LSAMP: variants seen among roughly 807,000 people sequenced by gnomAD.
LSAMP encodes the protein limbic system associated membrane protein.
In LSAMP, 7 loss-of-function variants were observed where a neutral mutation model predicts 38.6. The ratio of observed to expected loss-of-function variants is 0.18; its 90% confidence interval spans 0.10 to 0.34. The LOEUF is 0.34. Among genes scored for constraint, LSAMP ranks in the 10% least tolerant of loss-of-function variants. LSAMP has a pLI of 1.00. For synonymous variants in LSAMP, 154 were observed against 166.8 expected (o/e 0.92, Z 0.59); for missense variants, 313 against 420.0 (o/e 0.75, Z 2.23).
intron 3 of LSAMP, among the ~76,000 whole-genome samples, chr3:115,985,083 ACTAC>A (rs1429933597): frequency 6.6e-6 from 1 of 152,182 alleles, no homozygotes. Flanking sequence ...TTTTATTTAG[ACTAC>A]TATGCTCAAA....
intron 3 of LSAMP, among the ~76,000 whole-genome samples, chr3:115,998,774 G>A (rs988426742): frequency 1.3e-5 from 2 of 152,074 alleles, no homozygotes; most frequent in Non-Finnish European, 2.9e-5. Flanking sequence ...CAGACAATCA[G>A]GAGCAGAGTC....
chr3:116,375,478 A>T (rs1314725459), intron 1 of LSAMP, among the ~76,000 whole-genome samples: 1 of 151,966 alleles, frequency 6.6e-6, no homozygotes, highest in East Asian at 1.9e-4. Context: ...ATAGCCTATC[A>T]CCTAATGCTA....
chr3:116,237,206 C>T (rs531184155), intron 1 of LSAMP, among the ~76,000 whole-genome samples: 3 of 152,038 alleles, frequency 2.0e-5, no homozygotes, highest in Non-Finnish European at 4.4e-5. Flanking sequence ...TCAAACAAAA[C>T]GACGAATGCC....
intron 1 of LSAMP, among the ~76,000 whole-genome samples, chr3:116,249,594 C>T (rs974179843): frequency 7.9e-5 from 12 of 151,994 alleles, no homozygotes; most frequent in Admixed American, 2.0e-4. Flanking sequence ...CCATGTTGGT[C>T]AGGCTGGTCT....
intron 3 of LSAMP, among the ~76,000 whole-genome samples, chr3:115,933,729 G>T (rs1280854446): frequency 1.3e-5 from 2 of 152,172 alleles, no homozygotes; most frequent in East Asian, 3.9e-4. Context: ...ACAAGAAAAT[G>T]ATCAGCCATC....
At chr3:116,319,451 C>A (rs181576019) in intron 1 of LSAMP, among the ~76,000 whole-genome samples, 41 of 152,232 alleles carry the variant, frequency 2.7e-4, no homozygotes, top group East Asian at 1.5e-3. Flanking sequence ...ATATTATATA[C>A]GGAAATCTAA....
intron 1 of LSAMP, among the ~76,000 whole-genome samples, chr3:116,248,347 T>C (rs1211352520): frequency 3.3e-5 from 5 of 151,958 alleles, no homozygotes; most frequent in Non-Finnish European, 5.9e-5. Context: ...AGCAAGAACT[T>C]TGGGGCAAAC....
intron 1 of LSAMP, among the ~76,000 whole-genome samples, chr3:116,408,550 C>T (rs13069948): frequency 0.29 from 44,536 of 151,898 alleles, 8,694 homozygotes; most frequent in African/African-American, 0.56. Context: ...TCAATTTACA[C>T]TCAACACATT....
intron 1 of LSAMP, among the ~76,000 whole-genome samples, chr3:116,390,278 G>A (rs1180275209): frequency 2.0e-5 from 3 of 152,108 alleles, no homozygotes; most frequent in African/African-American, 4.8e-5. Flanking sequence ...ACTGTAAGCA[G>A]TGGGATATGT....
intron 3 of LSAMP, among the ~76,000 whole-genome samples, chr3:115,952,124 T>C (rs1044489614): frequency 6.6e-6 from 1 of 152,194 alleles, no homozygotes; most frequent in Admixed American, 6.5e-5. Flanking sequence ...GGTGGGAATG[T>C]AGATTAGTAT....
intron 3 of LSAMP, among the ~76,000 whole-genome samples, chr3:115,991,146 G>C (rs1939655074): frequency 6.6e-6 from 1 of 151,724 alleles, no homozygotes. Context: ...TACTTCCTTG[G>C]AAAAAAAGAA....
rs189223492 is a variant in LSAMP, at chr3:115,817,019, G to T, written c.920-6605C>A. On this transcript the variant is annotated intron_variant, in intron 6 of 6. Coordinates refer to ENST00000490035, the MANE Select transcript of LSAMP (RefSeq NM_002338.5). The stretch of plus-strand genomic sequence containing the variant: ...TAACCTCGTCCTACCATTTTGCCCT[G>T]GTTTATTCCACTCAAGCCAACTGGC... Among the ~76,000 whole-genome samples the T allele has an allele frequency of 1.1e-4, 17 of 152,294 alleles. No homozygotes were observed. In the East Asian group the frequency reaches 3.1e-3, roughly 28 times the overall value.
At chr3:115,962,658 T>A (rs977747573) in intron 3 of LSAMP, among the ~76,000 whole-genome samples, 3 of 152,200 alleles carry the variant, frequency 2.0e-5, no homozygotes, top group African/African-American at 7.2e-5. Context: ...AGCTGTTTAT[T>A]CACTTTTCAA....
At chr3:115,970,764 T>C (rs1434006861) in intron 3 of LSAMP, among the ~76,000 whole-genome samples, 1 of 152,222 alleles carries the variant, frequency 6.6e-6, no homozygotes, top group Non-Finnish European at 1.5e-5. Flanking sequence ...GCAAAAAATC[T>C]TTAAAAATAG....
At chr3:116,348,517 T>A (rs143098717) in intron 1 of LSAMP, among the ~76,000 whole-genome samples, 13 of 152,240 alleles carry the variant, frequency 8.5e-5, no homozygotes, top group Admixed American at 8.5e-4. Flanking sequence ...TTGCTAGGAA[T>A]AGGCATTTTT....
intron 1 of LSAMP, among the ~76,000 whole-genome samples, chr3:116,153,304 T>G (rs1709654111): frequency 6.6e-6 from 1 of 152,118 alleles, no homozygotes; most frequent in African/African-American, 2.4e-5. Flanking sequence ...AGACTACACC[T>G]ACGTGACATC....
At chr3:116,066,863 A>T (rs1707462083) in intron 2 of LSAMP, among the ~76,000 whole-genome samples, 1 of 152,114 alleles carries the variant, frequency 6.6e-6, no homozygotes, top group Non-Finnish European at 1.5e-5. Flanking sequence ...TATTTCCTTT[A>T]AGCTACATTC....
intron 1 of LSAMP, among the ~76,000 whole-genome samples, chr3:116,283,880 C>A (rs576875328): frequency 6.6e-6 from 1 of 152,068 alleles, no homozygotes; most frequent in Non-Finnish European, 1.5e-5. Context: ...GTGACATACA[C>A]CTGTAATCCC....
At chr3:115,854,284 T>TATTATTATTATTA (rs369597774) in intron 3 of LSAMP, among the ~76,000 whole-genome samples, 10 of 85,040 alleles carry the variant, frequency 1.2e-4, no homozygotes, top group Non-Finnish European at 2.2e-4. Context: ...TTATTATTAT[T>TATTATTATTATTA]TTTTTTTTTT....
Sources: allele counts gnomAD v4.1 joint callset (sites outside exome capture counted in the v4.1 genomes callset), GRCh38; gene constraint gnomAD v4.1.1; transcripts MANE v1.5; gene names NCBI Gene and HGNC (gene_info 2026-07-23, HGNC 2026-07-21).